TRDN: variants seen among roughly 807,000 people sequenced by gnomAD.
TRDN encodes triadin.
A neutral mutation model predicts 149.7 loss-of-function variants in TRDN; 161 were observed. That is an observed-to-expected ratio of 1.08 (90% CI 0.95 to 1.23). The LOEUF is 1.23. TRDN is among the 50% of genes most tolerant of loss of function. The pLI is 0.00. For missense variants in TRDN, 896 were observed against 823.5 expected (o/e 1.09, Z -1.08); for synonymous variants, 294 against 250.5 (o/e 1.17, Z -1.64).
chr6:123,352,122 A>T (rs1780482647), intron 21 of TRDN: 1 of 983,034 alleles, frequency 1.0e-6, no homozygotes, highest in South Asian at 4.7e-5. Context: ...ACTTTTACAT[A>T]TTTTTTTTCA....
At chr6:123,457,638 A>G in intron 10 of TRDN, 2 of 424,000 alleles carry the variant, frequency 4.7e-6, no homozygotes, top group South Asian at 3.5e-5. Flanking sequence ...AGTTATTAAT[A>G]CTTACCTACT....
At chr6:123,324,474 C>G (rs774198091) in intron 23 of TRDN, among the ~76,000 whole-genome samples, 1 of 151,624 alleles carries the variant, frequency 6.6e-6, no homozygotes, top group Non-Finnish European at 1.5e-5. Flanking sequence ...AAAAACAAAA[C>G]GAAACAAAAT....
chr6:123,497,215 A>G lies in TRDN; in HGVS notation c.831T>C (p.Phe277=). ...YAFCRYMIDI[F]VHGDLKPGQS... is the part of the protein sequence containing the mutation. The stretch of plus-strand genomic sequence containing the variant: ...TACCTGGTTTTAAATCCCCATGGAC[A>G]AATATGTCAATCATATATCGACAGA... Residue 277 remains phenylalanine (F), a synonymous_variant, in exon 9 of 41, where the codon TTT becomes TTC. Coordinates refer to ENST00000334268, the MANE Select transcript of TRDN (RefSeq NM_006073.4). 6.4e-7 allele frequency: 1 copy of G among 1,559,790 alleles called. No homozygotes were observed. The highest frequency in any genetic ancestry group is 1.2e-5 in the South Asian group (1 of 83,156).
intron 1 of TRDN, among the ~76,000 whole-genome samples, chr6:123,618,232 T>C (rs1366642549): frequency 6.6e-6 from 1 of 152,146 alleles, no homozygotes; most frequent in African/African-American, 2.4e-5. Flanking sequence ...CCAACATGGG[T>C]CTCAAGGAGC....
At chr6:123,431,888 T>G (rs1245105038) in intron 12 of TRDN, among the ~76,000 whole-genome samples, 1 of 152,186 alleles carries the variant, frequency 6.6e-6, no homozygotes, top group African/African-American at 2.4e-5. Flanking sequence ...TAATGGTATA[T>G]TCAAAGCAAT....
chr6:123,448,726 A>T (rs1286350980), intron 10 of TRDN, among the ~76,000 whole-genome samples: 1 of 152,044 alleles, frequency 6.6e-6, no homozygotes, highest in Non-Finnish European at 1.5e-5. Context: ...GCTCTCTGGA[A>T]AGCACCACCT....
chr6:123,337,117 C>T (rs901856287), intron 22 of TRDN, among the ~76,000 whole-genome samples: 1 of 151,970 alleles, frequency 6.6e-6, no homozygotes, highest in African/African-American at 2.4e-5. Flanking sequence ...AAGACTAACG[C>T]AGGCAGAATA....
intron 11 of TRDN, among the ~76,000 whole-genome samples, 166 bp from the exon 12 acceptor site, chr6:123,438,288 T>G (rs984789932): frequency 1.3e-5 from 2 of 152,032 alleles, no homozygotes; most frequent in Non-Finnish European, 2.9e-5. Flanking sequence ...CATAACAGAC[T>G]AGTGGCTTAG....
At chr6:123,608,264 T>G (rs550986062) in intron 1 of TRDN, among the ~76,000 whole-genome samples, 17 of 152,288 alleles carry the variant, frequency 1.1e-4, no homozygotes, top group Admixed American at 6.5e-4. Context: ...TAAGTTTCAT[T>G]ATTAATATGC....
At chr6:123,605,598 A>C (rs1314382097) in intron 1 of TRDN, among the ~76,000 whole-genome samples, 1 of 50,860 alleles carries the variant, frequency 2.0e-5, no homozygotes, top group Non-Finnish European at 3.4e-5. Flanking sequence ...CCCTCTCTAC[A>C]AAAAAAAAAA....
At chr6:123,380,474 G>A (rs539042843) in intron 16 of TRDN, among the ~76,000 whole-genome samples, 2 of 152,158 alleles carry the variant, frequency 1.3e-5, no homozygotes, top group African/African-American at 4.8e-5. Flanking sequence ...AGAACTCTCT[G>A]TAGATGGATT....
intron 37 of TRDN, among the ~76,000 whole-genome samples, chr6:123,254,434 A>G (rs903629319): frequency 3.3e-5 from 5 of 152,164 alleles, no homozygotes; most frequent in Non-Finnish European, 5.9e-5. Context: ...TGTATTTGCT[A>G]TGAATGAAAA....
intron 1 of TRDN, among the ~76,000 whole-genome samples, chr6:123,624,950 G>A (rs979488693): frequency 1.2e-4 from 18 of 152,018 alleles, no homozygotes; most frequent in African/African-American, 3.4e-4. Flanking sequence ...GTGCCTGACC[G>A]AAAATTTAGT....
chr6:123,625,313 T>C (rs545459832), intron 1 of TRDN, among the ~76,000 whole-genome samples: 10 of 152,172 alleles, frequency 6.6e-5, no homozygotes, highest in Non-Finnish European at 1.0e-4. Flanking sequence ...GGAGATACCA[T>C]GCAATAAAGC....
chr6:123,559,505 C>A (rs895180076), intron 2 of TRDN, among the ~76,000 whole-genome samples: 1 of 151,946 alleles, frequency 6.6e-6, no homozygotes, highest in Admixed American at 6.6e-5. Context: ...TCTTGTATTC[C>A]CCCCACTTAA....
intron 39 of TRDN, 60 bp downstream of exon 39, chr6:123,224,028 AGACAG>A: frequency 7.0e-7 from 1 of 1,420,446 alleles, no homozygotes. Context: ...AAAAAAAAAA[AGACAG>A]ACAAAAACCT....
intron 23 of TRDN, among the ~76,000 whole-genome samples, chr6:123,328,511 G>T (rs150634665): frequency 2.6e-5 from 4 of 152,030 alleles, no homozygotes; most frequent in African/African-American, 4.8e-5. Context: ...TATGAATTGC[G>T]ATTGTGTGAT....
At chr6:123,459,267 C>G (rs1437248037) in intron 10 of TRDN, among the ~76,000 whole-genome samples, 1 of 152,178 alleles carries the variant, frequency 6.6e-6, no homozygotes, top group Non-Finnish European at 1.5e-5. Flanking sequence ...TAATCAAGCC[C>G]CATGTCCTCT....
chr6:123,575,166 A>G (rs1782791065), intron 1 of TRDN, among the ~76,000 whole-genome samples: 1 of 151,858 alleles, frequency 6.6e-6, no homozygotes, highest in African/African-American at 2.4e-5. Context: ...TGACTCAAAG[A>G]TACTGAAAAT....
Sources: gnomAD v4.1 joint callset for allele counts (sites outside exome capture counted in the v4.1 genomes callset) on GRCh38, gnomAD v4.1.1 for gene constraint, MANE v1.5 for transcripts, NCBI Gene and HGNC (gene_info 2026-07-23, HGNC 2026-07-21) for gene names.